ZNF385D: variants seen among roughly 807,000 people sequenced by gnomAD.
ZNF385D encodes the protein zinc finger protein 385D, also known as zinc finger protein 659.
In ZNF385D, 15 loss-of-function variants were observed where a neutral mutation model predicts 35.8. The observed-to-expected ratio is 0.42, with a 90% CI of 0.28 to 0.64. The LOEUF (loss-of-function observed/expected upper bound fraction) is 0.64, where lower values mean the gene tolerates loss of function less well. Ranked by LOEUF, ZNF385D falls within the 30% of genes least tolerant of loss-of-function variation. The pLI, the probability that ZNF385D is intolerant of heterozygous loss-of-function variation, is 0.23. For synonymous variants in ZNF385D, 212 were observed against 186.8 expected, an observed-to-expected ratio of 1.13 and a Z score of -1.10; for missense variants, 474 against 494.6, an observed-to-expected ratio of 0.96 and a Z score of 0.39.
chr3:21,867,372 T>C (rs1280235811), intron 3 of ZNF385D, among the ~76,000 whole-genome samples: 2 of 152,066 alleles, frequency 1.3e-5, no homozygotes, highest in East Asian at 3.9e-4. Context: ...TCTCCAGAGG[T>C]GGGACTCAGG....
intron 3 of ZNF385D, among the ~76,000 whole-genome samples, chr3:21,793,731 C>T (rs1047391095): frequency 6.6e-6 from 1 of 152,176 alleles, no homozygotes; most frequent in Non-Finnish European, 1.5e-5. Flanking sequence ...GCTCGGGTCA[C>T]TCACTGCCCA....
chr3:22,177,583 CT>C (rs1219842571), intron 2 of ZNF385D, among the ~76,000 whole-genome samples: 17 of 152,024 alleles, frequency 1.1e-4, no homozygotes, highest in African/African-American at 3.4e-4. Flanking sequence ...CTGACTATGA[CT>C]TTTTTTTATT....
chr3:21,826,670 G>A (rs184456540), intron 3 of ZNF385D, among the ~76,000 whole-genome samples: 4 of 152,006 alleles, frequency 2.6e-5, no homozygotes, highest in Non-Finnish European at 4.4e-5. Flanking sequence ...GGGTGGTGGG[G>A]GATACATTCC....
chr3:21,581,350 T>C (rs546486860), intron 2 of ZNF385D, among the ~76,000 whole-genome samples: 1 of 152,294 alleles, frequency 6.6e-6, no homozygotes, highest in East Asian at 1.9e-4. Flanking sequence ...CTCTAGTCTC[T>C]AGAGTCGGCA....
At chr3:21,529,497 A>T (rs1287701332) in intron 3 of ZNF385D, among the ~76,000 whole-genome samples, 2 of 152,092 alleles carry the variant, frequency 1.3e-5, no homozygotes, top group Non-Finnish European at 2.9e-5. Flanking sequence ...AGATTTTTTT[A>T]AAAATTCACT....
chr3:22,244,462 A>G (rs1386478550), intron 2 of ZNF385D, among the ~76,000 whole-genome samples: 2 of 150,468 alleles, frequency 1.3e-5, no homozygotes, highest in Non-Finnish European at 2.9e-5. Context: ...AAGAAATACA[A>G]TTTCTGTTTT....
chr3:22,327,659 T>C (rs901232098), intron 2 of ZNF385D, among the ~76,000 whole-genome samples: 2 of 152,192 alleles, frequency 1.3e-5, no homozygotes, highest in African/African-American at 4.8e-5. Flanking sequence ...GGTGCTATGT[T>C]TTCTTATTTT....
At chr3:22,156,501 T>TG (rs1705591881) in intron 3 of ZNF385D, among the ~76,000 whole-genome samples, 1 of 152,084 alleles carries the variant, frequency 6.6e-6, no homozygotes, top group Admixed American at 6.6e-5. Context: ...CTTGCTTTCA[T>TG]GACTGGTAGA....
chr3:21,534,140 ACTT>A (rs1181647407), intron 3 of ZNF385D, among the ~76,000 whole-genome samples: 1 of 151,788 alleles, frequency 6.6e-6, no homozygotes, highest in Admixed American at 6.6e-5. Context: ...AAAAAAAAAA[ACTT>A]ACTCAAAAAT....
intron 2 of ZNF385D, among the ~76,000 whole-genome samples, chr3:21,610,650 C>T (rs568284388): frequency 6.6e-6 from 1 of 152,004 alleles, no homozygotes; most frequent in African/African-American, 2.4e-5. Context: ...TGGCGGGCGC[C>T]TGTGGTCCCA....
At chr3:21,932,323 C>A (rs1229186054) in intron 3 of ZNF385D, among the ~76,000 whole-genome samples, 1 of 151,522 alleles carries the variant, frequency 6.6e-6, no homozygotes, top group Non-Finnish European at 1.5e-5. Flanking sequence ...AAATCTAGAA[C>A]TAAGGAAAAA....
chr3:21,904,676 T>G (rs560815186), intron 3 of ZNF385D, among the ~76,000 whole-genome samples: 18 of 152,296 alleles, frequency 1.2e-4, no homozygotes, highest in Non-Finnish European at 2.2e-4. Context: ...AGAAGCATAT[T>G]ATTACTGACT....
chr3:22,215,377 C>A (rs1017089367), intron 2 of ZNF385D, among the ~76,000 whole-genome samples: 1 of 152,008 alleles, frequency 6.6e-6, no homozygotes, highest in Admixed American at 6.6e-5. Flanking sequence ...TCGCTGAATT[C>A]TTTTTCTCAG....
rs960989793 is a variant in ZNF385D at position 21,617,830 on chromosome 3, T to C, written c.165+47056A>G. On this transcript the variant is annotated intron_variant, in intron 2 of 7. Transcript: ENST00000281523. ...AACACTGGGTGAGGAGTGAGGAAAC[T>C]GGCCTTCTTTCCCTCCTTCACCCCT... Among the ~76,000 whole-genome samples the C allele has an allele frequency of 3.0e-4, 45 of 152,170 alleles. 1 individual carries two copies. Among genetic ancestry groups the C allele is most frequent in the African/African-American group, 1.1e-3 (45 of 41,442 alleles).
At chr3:21,492,550 A>G (rs1159211169) in intron 4 of ZNF385D, among the ~76,000 whole-genome samples, 1 of 151,746 alleles carries the variant, frequency 6.6e-6, no homozygotes, top group Non-Finnish European at 1.5e-5. Context: ...TGGGAGGCCA[A>G]GAAAGGAGGA....
At chr3:21,582,592 C>A (rs888260975) in intron 2 of ZNF385D, among the ~76,000 whole-genome samples, 1 of 152,072 alleles carries the variant, frequency 6.6e-6, no homozygotes, top group Admixed American at 6.6e-5. Flanking sequence ...GCAAGACGTT[C>A]TCAGTTGTGG....
Position 21,670,958 on chromosome 3 carries a change from G to T in ZNF385D, c.23-5930C>A, listed in dbSNP as rs144354267. On this transcript the variant is annotated intron_variant, in intron 1 of 7. Coordinates refer to ENST00000281523, the MANE Select transcript of ZNF385D (RefSeq NM_024697.3). ...TTCTTGCTCAGTCTAGGGAGAATACGCAGTGAAGGTTTTTGTGTCCTCTGC... is the reference window on the plus strand; with the variant it reads ...TTCTTGCTCAGTCTAGGGAGAATACTCAGTGAAGGTTTTTGTGTCCTCTGC... Among the ~76,000 whole-genome samples, 513 of 152,024 alleles carry T rather than the reference G, an allele frequency of 3.4e-3. 4 individuals carry two copies. Among genetic ancestry groups the T allele is most frequent in the African/African-American group, 0.012 (482 of 41,484 alleles).
Position 22,263,684 on chromosome 3 carries a change from A to C in ZNF385D, c.107-94649T>G, listed in dbSNP as rs571846039. Among the ~76,000 whole-genome samples the C allele has an allele frequency of 8.3e-4, 127 of 152,150 alleles. 4 individuals carry two copies. In the South Asian group the frequency reaches 0.026, roughly 31 times the overall value. On this transcript the variant is annotated intron_variant, in intron 2 of 5. Transcript: ENST00000494108. ...ATTTGTTAAATGAATGAATGAACAA[A>C]TGAATAAGAATTGCCTTGGTTACTC...
At chr3:21,597,493 G>A (rs2064159200) in intron 2 of ZNF385D, among the ~76,000 whole-genome samples, 1 of 152,060 alleles carries the variant, frequency 6.6e-6, no homozygotes, top group Non-Finnish European at 1.5e-5. Flanking sequence ...AATTTATAAA[G>A]GAGAAAGAGA....
Sources: allele counts gnomAD v4.1 joint callset (sites outside exome capture counted in the v4.1 genomes callset), GRCh38; gene constraint gnomAD v4.1.1; transcripts MANE v1.5; gene names NCBI Gene and HGNC (gene_info 2026-07-23, HGNC 2026-07-21).